NSUN3: variants seen among roughly 807,000 people sequenced by gnomAD.
NSUN3 encodes the protein NOP2/Sun RNA methyltransferase 3, also known as tRNA (cytosine(34)-C(5))-methyltransferase, mitochondrial.
NSUN3 carries 24 observed loss-of-function variants against 36.8 expected under a neutral mutation model. The observed-to-expected ratio is 0.65, with a 90% CI of 0.47 to 0.92. The LOEUF is 0.92. Ranked by LOEUF, NSUN3 falls within the 40% of genes least tolerant of loss-of-function variation. The pLI, the probability that NSUN3 is intolerant of heterozygous loss-of-function variation, is 0.00. For missense variants in NSUN3, 381 were observed against 392.8 expected, an observed-to-expected ratio of 0.97 and a Z score of 0.25; for synonymous variants, 146 against 145.2, an observed-to-expected ratio of 1.01 and a Z score of -0.04.
chr3:94,067,968 C>A (rs1404389844), intron 2 of NSUN3, among the ~76,000 whole-genome samples: 1 of 152,074 alleles, frequency 6.6e-6, no homozygotes, highest in Admixed American at 6.6e-5. Flanking sequence ...AAAATCTTAT[C>A]TTTCTGGGCA....
intron 5 of NSUN3, among the ~76,000 whole-genome samples, chr3:94,108,958 C>T (rs1244292452): frequency 6.6e-6 from 1 of 152,218 alleles, no homozygotes; most frequent in Non-Finnish European, 1.5e-5. Context: ...AGCCACTGCA[C>T]CCAGCCCATT....
At chr3:94,104,108 G>A (rs111505861) in intron 5 of NSUN3, among the ~76,000 whole-genome samples, 4 of 152,262 alleles carry the variant, frequency 2.6e-5, no homozygotes, top group African/African-American at 9.6e-5. Flanking sequence ...GATTTATGGG[G>A]CATGGCTTCC....
chr3:94,110,250 AG>A (rs2077410488), intron 5 of NSUN3, among the ~76,000 whole-genome samples: 1 of 134,310 alleles, frequency 7.4e-6, no homozygotes, highest in Non-Finnish European at 1.7e-5. Flanking sequence ...GATAACTTTC[AG>A]TGATAGGAAG....
At position 94,130,246 on chromosome 3, in the gene NSUN3, C is replaced by A. The variant is rs544329147; in HGVS notation, c.*3756C>A. 6.6e-6 allele frequency among the ~76,000 whole-genome samples: 1 copy of A among 152,286 alleles called. No homozygotes were observed. Among genetic ancestry groups the A allele is most frequent in the South Asian group, 2.1e-4 (1 of 4,822 alleles). ...GGGGGTGGGGGCCAAGGAGCTATTACTGCTGTTTGGAAATACTTGCCTCTT... is the reference window on the plus strand; with the variant it reads ...GGGGGTGGGGGCCAAGGAGCTATTAATGCTGTTTGGAAATACTTGCCTCTT... On this transcript the variant is annotated 3_prime_UTR_variant, in exon 6 of 6. Transcript: ENST00000314622.
intron 2 of NSUN3, chr3:94,076,286 G>A: frequency 2.3e-6 from 2 of 888,392 alleles, no homozygotes; most frequent in South Asian, 2.6e-5. Context: ...GATCCCACAA[G>A]GCAACAGTCT....
intron 2 of NSUN3, chr3:94,082,113 T>C (rs1317471371): frequency 6.6e-6 from 1 of 152,212 alleles, no homozygotes; most frequent in African/African-American, 2.4e-5. Flanking sequence ...TTCCGATCAT[T>C]TTTTTATTAC....
chr3:94,097,158 A>T (rs1011826076), intron 5 of NSUN3, among the ~76,000 whole-genome samples: 2 of 152,148 alleles, frequency 1.3e-5, no homozygotes, highest in Non-Finnish European at 2.9e-5. Context: ...AAACATTTTT[A>T]ATTATACAGG....
intron 5 of NSUN3, among the ~76,000 whole-genome samples, chr3:94,101,284 GC>G (rs2077365129): frequency 6.6e-6 from 1 of 152,122 alleles, no homozygotes; most frequent in East Asian, 1.9e-4. Flanking sequence ...GAGCCACTGT[GC>G]CCAGCACTGA....
intron 2 of NSUN3, among the ~76,000 whole-genome samples, chr3:94,065,032 TTAAATA>T (rs139594631): frequency 0.033 from 5,081 of 152,294 alleles, 271 homozygotes; most frequent in African/African-American, 0.11. Context: ...ACAAAATTAT[TTAAATA>T]TAAAAATAAG....
At position 94,126,474 on chromosome 3, in the gene NSUN3, G is replaced by A; in HGVS notation, c.1007G>A (p.Ser336Asn). 1.2e-6 allele frequency: 2 copies of A among 1,607,440 alleles called. No individual in the cohort carries two copies. Among genetic ancestry groups the A allele is most frequent in the Non-Finnish European group, 1.7e-6 (2 of 1,174,494 alleles). The change falls in exon 6 of 6, where the codon AGC (serine) becomes AAC (asparagine). Residue 336 changes from serine to asparagine, a missense_variant. Physicochemically the swap from Ser to Asn is conservative, Grantham distance 46. Coordinates refer to ENST00000314622, the MANE Select transcript of NSUN3 (RefSeq NM_022072.5). Reference protein sequence around the residue: ...MYVAKLKKSWSTGKW With the variant: ...MYVAKLKKSWNTGKW ...GTAGCCAAATTGAAGAAATCATGGA[G>A]CACAGGAAAATGGTGACATGAATTT...
Position 94,063,077 on chromosome 3 carries a change from T to C in NSUN3, c.-50T>C, listed in dbSNP as rs112562393. 8 of 1,613,058 alleles carry C rather than the reference T, an allele frequency of 5.0e-6. No individual in the cohort carries two copies. The African/African-American group carries it at 6.7e-5, about 13-fold the overall frequency. On this transcript the variant is annotated 5_prime_UTR_variant, in exon 1 of 6. Transcript: ENST00000314622. ...GTTTTTTTCAGTTCCCTGGAGGCTT[T>C]TTGATACTGATTCGCGTACACCTGT...
At chr3:94,078,493 G>C (rs568569303) in intron 2 of NSUN3, among the ~76,000 whole-genome samples, 1 of 152,116 alleles carries the variant, frequency 6.6e-6, no homozygotes, top group South Asian at 2.1e-4. Flanking sequence ...GAATATCCTT[G>C]TTAATTTTCT....
At chr3:94,095,913 AT>A (rs60524751) in intron 5 of NSUN3, among the ~76,000 whole-genome samples, 61,980 of 124,348 alleles carry the variant, frequency 0.5, 12,331 homozygotes, top group African/African-American at 0.61. Flanking sequence ...AGCCTAGCTA[AT>A]TTTTTTTTTT....
At chr3:94,076,447 C>T (rs2077246693) in intron 2 of NSUN3, 2 of 789,594 alleles carry the variant, frequency 2.5e-6, no homozygotes, top group Admixed American at 3.4e-5. Context: ...CAGCAACTGA[C>T]CCAAACAGAG....
intron 2 of NSUN3, among the ~76,000 whole-genome samples, chr3:94,080,639 C>T (rs543540243): frequency 9.2e-5 from 14 of 152,352 alleles, no homozygotes; most frequent in African/African-American, 2.9e-4. Flanking sequence ...CTGGCCACAG[C>T]AGCCTTGGTG....
At chr3:94,097,957 A>C (rs751670610) in intron 5 of NSUN3, among the ~76,000 whole-genome samples, 13 of 152,192 alleles carry the variant, frequency 8.5e-5, no homozygotes, top group Non-Finnish European at 1.3e-4. Flanking sequence ...CCTTAGCCTC[A>C]GACCTACATA....
intron 5 of NSUN3, among the ~76,000 whole-genome samples, chr3:94,116,151 C>T (rs1465616698): frequency 6.6e-6 from 1 of 151,818 alleles, no homozygotes; most frequent in Non-Finnish European, 1.5e-5. Flanking sequence ...AGTTGGAAGC[C>T]TGTGTAGATT....
chr3:94,068,149 G>GA (rs924394072), intron 2 of NSUN3, among the ~76,000 whole-genome samples: 24 of 152,024 alleles, frequency 1.6e-4, no homozygotes, highest in African/African-American at 5.5e-4. Flanking sequence ...GTAAAATGGG[G>GA]AAAAAATAGT....
chr3:94,075,988 C>T (rs573476111), intron 2 of NSUN3: 2 of 1,596,862 alleles, frequency 1.3e-6, no homozygotes, highest in Middle Eastern at 1.7e-4. Flanking sequence ...GCCACACTTG[C>T]ATGATATTGT....
Sources: allele counts gnomAD v4.1 joint callset (sites outside exome capture counted in the v4.1 genomes callset), GRCh38; gene constraint gnomAD v4.1.1; transcripts MANE v1.5; gene names NCBI Gene and HGNC (gene_info 2026-07-23, HGNC 2026-07-21).